BLTP2: variants seen among roughly 807,000 people sequenced by gnomAD.
BLTP2 encodes the protein bridge-like lipid transfer protein family member 2.
chr17:28,627,975 T>TTTC, the BLTP2 span, among the ~76,000 whole-genome samples: 5 of 152,166 alleles, frequency 3.3e-5, no homozygotes, highest in African/African-American at 1.2e-4. Flanking sequence ...CCCATTTTCT[T>TTTC]TTATTTCTCT....
At chr17:28,633,837 C>A in the BLTP2 span, 2 of 1,602,174 alleles carry the variant, frequency 1.2e-6, no homozygotes, top group South Asian at 1.1e-5. Flanking sequence ...CAGCTCACCT[C>A]CCATTTCACC....
chr17:28,629,469 T>A, the BLTP2 span, among the ~76,000 whole-genome samples: 49 of 151,882 alleles, frequency 3.2e-4, no homozygotes, highest in South Asian at 5.4e-3. Flanking sequence ...TTATTTATTT[T>A]TTATTTATTT....
chr17:28,634,104 G>A, the BLTP2 span: 1 of 1,609,090 alleles, frequency 6.2e-7, no homozygotes, highest in Non-Finnish European at 8.5e-7. Flanking sequence ...CAGAGGAAGG[G>A]TACACACTGG....
chr17:28,636,280 G>A, the BLTP2 span, among the ~76,000 whole-genome samples: 2 of 152,096 alleles, frequency 1.3e-5, no homozygotes, highest in Admixed American at 6.6e-5. Context: ...AGGAACTAAC[G>A]CCCCACCCTC....
chr17:28,616,811 T>C, the BLTP2 span: 1 of 1,610,720 alleles, frequency 6.2e-7, no homozygotes, highest in Non-Finnish European at 8.5e-7. This position sits in a 1 kb window ranked among gnomAD's most constrained non-coding sequence, Gnocchi z 4.8. Flanking sequence ...TCAGTTTACC[T>C]ACTCCTAATA....
the BLTP2 span, chr17:28,628,393 T>C: frequency 6.2e-7 from 1 of 1,614,182 alleles, no homozygotes; most frequent in Non-Finnish European, 8.5e-7. Flanking sequence ...CTTTAACCCC[T>C]TCAGGGCCTC....
the BLTP2 span, chr17:28,640,575 A>G: frequency 5.6e-6 from 9 of 1,613,976 alleles, no homozygotes; most frequent in African/African-American, 2.7e-5. Context: ...TTGACTATTC[A>G]TGGACAATAC....
At chr17:28,635,125 A>C in the BLTP2 span, 2 of 1,613,694 alleles carry the variant, frequency 1.2e-6, no homozygotes, top group Admixed American at 3.3e-5. Context: ...GACTGAGCCG[A>C]AAGAGAGGAG....
chr17:28,629,556 C>T, the BLTP2 span, among the ~76,000 whole-genome samples: 1 of 152,220 alleles, frequency 6.6e-6, no homozygotes, highest in African/African-American at 2.4e-5. Context: ...CAGCTGGCTG[C>T]AACCTCCACT....
the BLTP2 span, chr17:28,631,429 G>A: frequency 3.3e-6 from 5 of 1,500,862 alleles, no homozygotes; most frequent in South Asian, 5.7e-5. Flanking sequence ...AGTAGGCTGA[G>A]ATACCTACTA....
chr17:28,628,155 C>T, the BLTP2 span: 1 of 940,026 alleles, frequency 1.1e-6, no homozygotes, highest in East Asian at 2.4e-5. Flanking sequence ...AATAGTTTCA[C>T]TTCTTTACCT....
At chr17:28,619,538 C>T in the BLTP2 span, 1 of 1,253,864 alleles carries the variant, frequency 8.0e-7, no homozygotes, top group Admixed American at 2.1e-5. Flanking sequence ...GAACCTACTC[C>T]TACATCAGCC....
chr17:28,638,373 A>G, the BLTP2 span: 1 of 1,614,124 alleles, frequency 6.2e-7, no homozygotes. Flanking sequence ...CACAGTTAGG[A>G]CGCCCCGCTG....
At chr17:28,631,044 C>G in the BLTP2 span, among the ~76,000 whole-genome samples, 9 of 152,228 alleles carry the variant, frequency 5.9e-5, no homozygotes, top group East Asian at 1.7e-3. Context: ...GGGACTTAAT[C>G]TGCAACCTAC....
At chr17:28,630,845 G>A in the BLTP2 span, among the ~76,000 whole-genome samples, 3 of 152,098 alleles carry the variant, frequency 2.0e-5, no homozygotes, top group African/African-American at 7.2e-5. Context: ...CTAATTGGGG[G>A]AAAGGCAGTA....
At chr17:28,620,548 A>T in the BLTP2 span, 1 of 1,614,184 alleles carries the variant, frequency 6.2e-7, no homozygotes, top group Non-Finnish European at 8.5e-7. Context: ...GGTTGTTGAC[A>T]ATGTCCAGGA....
At chr17:28,638,391 C>T in the BLTP2 span, 2 of 1,614,112 alleles carry the variant, frequency 1.2e-6, no homozygotes, top group Non-Finnish European at 8.5e-7. Context: ...CTGATGGATG[C>T]TTTGTGGCCT....
chr17:28,638,614 T>G, the BLTP2 span: 1 of 1,612,664 alleles, frequency 6.2e-7, no homozygotes, highest in South Asian at 1.1e-5. Flanking sequence ...GTGCTAAAGA[T>G]GATGGGAGCC....
chr17:28,623,926 A>G, the BLTP2 span: 12 of 1,614,048 alleles, frequency 7.4e-6, no homozygotes, highest in Non-Finnish European at 9.3e-6. Flanking sequence ...GGCAGCTGAC[A>G]CAATGACACA....
Sources: allele counts gnomAD v4.1 joint callset (sites outside exome capture counted in the v4.1 genomes callset), GRCh38; gene constraint gnomAD v4.1.1; non-coding constraint Gnocchi (gnomAD v3.1); transcripts MANE v1.5; gene names NCBI Gene and HGNC (gene_info 2026-07-23, HGNC 2026-07-21).